KATNAL2: variants seen among roughly 807,000 people sequenced by gnomAD.
KATNAL2 encodes katanin catalytic subunit A1 like 2.
In KATNAL2, 52 loss-of-function variants were observed where a neutral mutation model predicts 76.3. That is an observed-to-expected ratio of 0.68 (90% CI 0.55 to 0.86). KATNAL2 has a LOEUF of 0.86. Among genes scored for constraint, KATNAL2 ranks in the 40% least tolerant of loss-of-function variants. The pLI is 0.00. For missense variants in KATNAL2, 660 were observed against 668.9 expected (o/e 0.99, Z 0.15); for synonymous variants, 243 against 244.2 (o/e 1.00, Z 0.05).
In KATNAL2 at chr18:47,045,874, G is replaced by A. The variant is rs116970979; in HGVS notation, c.52-583G>A. 7.0e-4 allele frequency among the ~76,000 whole-genome samples: 106 copies of A among 152,270 alleles called. 1 individual carries two copies. The East Asian group carries it at 0.016, about 23-fold the overall frequency. On this transcript the variant is annotated intron_variant, in intron 3 of 17. Coordinates refer to ENST00000683218, the MANE Select transcript of KATNAL2 (RefSeq NM_001387690.1). The stretch of plus-strand genomic sequence containing the variant: ...ACATTAACACTGTGAATAAGTGCAC[G>A]GATTCATCCAGTTTGAGCAAAGACC...
rs115810109 is a variant in KATNAL2, at chr18:47,032,799, A to T, written c.52-13658A>T. The T allele has an allele frequency of 6.1e-5, 54 of 878,052 alleles. No individual in the cohort carries two copies. The African/African-American group carries it at 7.3e-4, about 12-fold the overall frequency. 54.4% of individuals were successfully genotyped at this position (878,052 alleles called of 1,614,324 possible). On this transcript the variant is annotated intron_variant, in intron 3 of 17. Transcript: ENST00000683218. ...ATGCGTTCATATCTTCTGAATTCTG[A>T]GGTGTTCTCCAAGCTGGGAGGTAGT...
At chr18:47,045,324 CTTTTCTT>C (rs1418696497) in intron 3 of KATNAL2, among the ~76,000 whole-genome samples, 2 of 119,300 alleles carry the variant, frequency 1.7e-5, no homozygotes, top group Non-Finnish European at 3.3e-5. Context: ...CTTTTCTTTT[CTTTTCTT>C]TTTTTTTTTT....
At chr18:47,040,389 A>T (rs1275251011) in intron 3 of KATNAL2, among the ~76,000 whole-genome samples, 1 of 152,218 alleles carries the variant, frequency 6.6e-6, no homozygotes, top group Non-Finnish European at 1.5e-5. Context: ...GTAGAAGATT[A>T]TCTCTGGTCT....
At chr18:47,081,041 T>C (rs1255661649) in intron 15 of KATNAL2, among the ~76,000 whole-genome samples, 1 of 148,862 alleles carries the variant, frequency 6.7e-6, no homozygotes, top group Non-Finnish European at 1.5e-5. Flanking sequence ...CCCTTCCCTC[T>C]TTCCTTCCTT....
In KATNAL2 at chr18:47,033,207, G is replaced by A. The variant is rs149717505; in HGVS notation, c.52-13250G>A. 4.0e-4 allele frequency: 650 copies of A among 1,614,076 alleles called. 6 individuals carry two copies. In the African/African-American group the frequency reaches 7.6e-3, roughly 19 times the overall value. On this transcript the variant is annotated intron_variant, in intron 3 of 17. Coordinates refer to ENST00000683218, the MANE Select transcript of KATNAL2 (RefSeq NM_001387690.1). ...TGCCACCGCCGCTGCTGCTCTGGCTGGAGGGAGTGTGGCTGCTTCCCGCGG... is the reference window on the plus strand; with the variant it reads ...TGCCACCGCCGCTGCTGCTCTGGCTAGAGGGAGTGTGGCTGCTTCCCGCGG...
chr18:47,060,481 T>G (rs182213484), intron 8 of KATNAL2, among the ~76,000 whole-genome samples: 1 of 152,330 alleles, frequency 6.6e-6, no homozygotes, highest in Admixed American at 6.5e-5. Flanking sequence ...TGTCTAGATT[T>G]CTAAATAATA....
chr18:47,046,406 G>A, intron 3 of KATNAL2, 51 bp from the exon 4 acceptor site: 2 of 1,203,878 alleles, frequency 1.7e-6, no homozygotes, highest in East Asian at 2.5e-5. Context: ...ATTGCCGTAG[G>A]AGCAGTGTTA....
intron 3 of KATNAL2, among the ~76,000 whole-genome samples, chr18:46,951,189 C>G (rs1221166134): frequency 6.6e-6 from 1 of 152,080 alleles, no homozygotes; most frequent in African/African-American, 2.4e-5. Flanking sequence ...TAATATTAAT[C>G]CGATTGTATA....
intron 3 of KATNAL2, among the ~76,000 whole-genome samples, chr18:46,962,115 T>TCCTG (rs1599493511): frequency 2.9e-4 from 43 of 150,422 alleles, no homozygotes; most frequent in African/African-American, 9.5e-4. Context: ...GGATTTTGGC[T>TCCTG]CAGCCCTCTA....
intron 6 of KATNAL2, among the ~76,000 whole-genome samples, chr18:47,055,435 G>A (rs548975829): frequency 9.9e-5 from 15 of 152,260 alleles, no homozygotes; most frequent in African/African-American, 3.4e-4. Context: ...CCACCCCTGC[G>A]ACTCCAGTTC....
intron 3 of KATNAL2, among the ~76,000 whole-genome samples, chr18:46,950,843 C>T (rs1393452196): frequency 6.6e-6 from 1 of 152,154 alleles, no homozygotes; most frequent in Non-Finnish European, 1.5e-5. Flanking sequence ...CACCACCACA[C>T]CCGGCTAATT....
intron 3 of KATNAL2, among the ~76,000 whole-genome samples, chr18:46,962,215 G>C (rs1410518308): frequency 1.4e-5 from 2 of 142,246 alleles, no homozygotes; most frequent in East Asian, 4.4e-4. Flanking sequence ...GGCCCAGCCT[G>C]TTCTCCACCT....
chr18:47,076,231 T>C (rs2062214418), intron 14 of KATNAL2: 1 of 152,214 alleles, frequency 6.6e-6, no homozygotes, highest in African/African-American at 2.4e-5. Flanking sequence ...ATTTTACTCA[T>C]TGGAAACCAT....
chr18:47,073,376 CAAG>C (rs2062073815), intron 13 of KATNAL2, among the ~76,000 whole-genome samples: 1 of 152,072 alleles, frequency 6.6e-6, no homozygotes. Context: ...AAAAATAATT[CAAG>C]AAGAAACAGA....
At chr18:46,924,946 T>C (rs1301101324) in intron 1 of KATNAL2, among the ~76,000 whole-genome samples, 5 of 152,356 alleles carry the variant, frequency 3.3e-5, no homozygotes, top group Non-Finnish European at 4.4e-5. Flanking sequence ...TCCTGAGACT[T>C]TGCTGAAGTT....
intron 8 of KATNAL2, among the ~76,000 whole-genome samples, chr18:47,062,755 C>T (rs2061674394): frequency 8.5e-5 from 13 of 152,202 alleles, no homozygotes; most frequent in Admixed American, 8.5e-4. Context: ...TATTCAAATC[C>T]ACTTCATTCT....
At chr18:46,936,508 G>T (rs2059096220) in intron 1 of KATNAL2, among the ~76,000 whole-genome samples, 1 of 152,170 alleles carries the variant, frequency 6.6e-6, no homozygotes, top group African/African-American at 2.4e-5. Flanking sequence ...AAGAGGCTCA[G>T]GTGGGGGGAT....
intron 1 of KATNAL2, among the ~76,000 whole-genome samples, chr18:46,919,859 C>T (rs955460051): frequency 6.6e-6 from 1 of 152,048 alleles, no homozygotes; most frequent in Non-Finnish European, 1.5e-5. Flanking sequence ...ATTTATTCTC[C>T]GTAGACCTTG....
chr18:47,075,087 A>G (rs76102122), intron 13 of KATNAL2, among the ~76,000 whole-genome samples, 190 bp from the exon 14 acceptor site: 2 of 152,332 alleles, frequency 1.3e-5, no homozygotes, highest in South Asian at 2.1e-4. Flanking sequence ...ATAAATGGAA[A>G]TAATCGGACC....
Sources: gnomAD v4.1 joint callset for allele counts (sites outside exome capture counted in the v4.1 genomes callset) on GRCh38, gnomAD v4.1.1 for gene constraint, MANE v1.5 for transcripts, NCBI Gene and HGNC (gene_info 2026-07-23, HGNC 2026-07-21) for gene names.